The following CCDC191 variants were observed in gnomAD, a reference collection of about 807,000 sequenced individuals.
CCDC191 encodes coiled-coil domain containing 191, also known as coiled-coil domain-containing protein 191.
CCDC191 carries 99 observed loss-of-function variants against 114.0 expected under a neutral mutation model. That is an observed-to-expected ratio of 0.87 (90% CI 0.74 to 1.03). The LOEUF (loss-of-function observed/expected upper bound fraction) is 1.03. Among genes scored for constraint, CCDC191 ranks in the 50% least tolerant of loss-of-function variants. The pLI is 0.00. For missense variants in CCDC191, 973 were observed against 1,087.0 expected (o/e 0.90, Z 1.47); for synonymous variants, 351 against 376.0 (o/e 0.93, Z 0.77).
At chr3:114,000,733 C>A (rs1272302428) in intron 13 of CCDC191, among the ~76,000 whole-genome samples, 1 of 152,060 alleles carries the variant, frequency 6.6e-6, no homozygotes, top group Non-Finnish European at 1.5e-5. Flanking sequence ...TCACTGCTGC[C>A]TCGAACTCCT....
rs2075874646 is a variant in CCDC191, at chr3:114,002,535, A to G, written c.1982T>C (p.Met661Thr). The G allele has an allele frequency of 1.9e-6, 3 of 1,605,934 alleles. No homozygotes were observed. Among genetic ancestry groups the G allele is most frequent in the South Asian group, 1.1e-5 (1 of 89,508 alleles). ...LMTPHPILKA[M>T]EERAIQRAEC... The stretch of plus-strand genomic sequence containing the variant: ...AGCTCGTTGAATTGCTCTCTCTTCC[A>G]TAGCTAGAAAATAGTAACAGAGTTC... The change falls in exon 12 of 17, where the codon ATG (methionine) becomes ACG (threonine). Residue 661 changes from methionine to threonine, a missense_variant. Physicochemically the swap from Met to Thr is moderately conservative, Grantham distance 81. Transcript: ENST00000295878.
intron 16 of CCDC191, among the ~76,000 whole-genome samples, chr3:113,974,324 G>GT (rs113527931): frequency 0.16 from 22,365 of 141,184 alleles, 2,291 homozygotes; most frequent in African/African-American, 0.31. Context: ...GCTGTTTTTT[G>GT]TTTTTTTTTT....
At chr3:113,991,262 C>A (rs890527709) in intron 13 of CCDC191, among the ~76,000 whole-genome samples, 21 of 141,650 alleles carry the variant, frequency 1.5e-4, no homozygotes, top group Admixed American at 7.1e-5. Context: ...AAACAAACCC[C>A]CCCCCCCAAA....
At chr3:113,980,920 C>T (rs1229831079) in intron 13 of CCDC191, 127 bp from the exon 14 acceptor site, 2 of 838,946 alleles carry the variant, frequency 2.4e-6, no homozygotes, top group South Asian at 1.6e-5. Context: ...TAACAGAGCT[C>T]TGGATAATAG....
Position 114,005,794 on chromosome 3 carries a change from A to C in CCDC191, c.1582T>G (p.Ser528Ala), listed in dbSNP as rs759597170. The change falls in exon 10 of 17, where the codon TCT (serine) becomes GCT (alanine). Residue 528 changes from serine to alanine, a missense_variant. Coordinates refer to ENST00000295878, the MANE Select transcript of CCDC191 (RefSeq NM_020817.2). ...KQHKTLGAEP[S>A]QQPGSNETLR... Reference sequence around the variant, plus strand: ...GTCTCGTTGCTGCCAGGCTGTTGAGAGGGTTCAGCACCCAGGGTCTTGTGC... The same window carrying C: ...GTCTCGTTGCTGCCAGGCTGTTGAGCGGGTTCAGCACCCAGGGTCTTGTGC... The C allele has an allele frequency of 1.2e-6, 2 of 1,613,966 alleles. No homozygotes were observed. The highest frequency in any genetic ancestry group is 8.5e-7 in the Non-Finnish European group (1 of 1,179,992).
intron 16 of CCDC191, among the ~76,000 whole-genome samples, chr3:113,972,630 TTTC>T (rs1230198899): frequency 6.6e-6 from 1 of 152,164 alleles, no homozygotes; most frequent in Admixed American, 6.5e-5. Context: ...CCTTGCTGAT[TTTC>T]TTCTGGATAA....
intron 10 of CCDC191, 98 bp from the exon 11 acceptor site, chr3:114,004,844 A>C (rs535908708): frequency 1.6e-6 from 2 of 1,258,274 alleles, no homozygotes; most frequent in South Asian, 2.9e-5. Flanking sequence ...GACCTTAATG[A>C]ATCCCTACTC....
At chr3:114,054,116 T>A (rs2107769762) in intron 1 of CCDC191, 1 of 152,474 alleles carries the variant, frequency 6.6e-6, no homozygotes, top group African/African-American at 2.4e-5. Context: ...AGATCAGGGA[T>A]CTTGTTTGGC....
intron 8 of CCDC191, among the ~76,000 whole-genome samples, chr3:114,014,227 A>G (rs1459334702): frequency 1.3e-5 from 2 of 152,240 alleles, no homozygotes; most frequent in African/African-American, 4.8e-5. Context: ...CATGCATTCA[A>G]TAATGTGCCA....
rs377529007 is a variant in CCDC191, at chr3:114,048,233, A to G, written c.130-1501T>C. ...ACCCCTTTCCATCACCTCCATTGCTACCATGTTGGTCCAAAGCACAACAAT... is the reference window on the plus strand; with the variant it reads ...ACCCCTTTCCATCACCTCCATTGCTGCCATGTTGGTCCAAAGCACAACAAT... On this transcript the variant is annotated intron_variant, in intron 2 of 16. Coordinates refer to ENST00000295878, the MANE Select transcript of CCDC191 (RefSeq NM_020817.2). Among the ~76,000 whole-genome samples the G allele has an allele frequency of 1.1e-4, 17 of 152,258 alleles. No individual in the cohort carries two copies. The South Asian group carries it at 3.3e-3, about 30-fold the overall frequency.
At chr3:114,042,962 C>G in intron 3 of CCDC191, 116 bp from the exon 4 acceptor site, 1 of 944,126 alleles carries the variant, frequency 1.1e-6, no homozygotes, top group East Asian at 3.0e-5. Context: ...AAGTACTGTT[C>G]TAGATACTGG....
At chr3:114,045,508 A>AT (rs2076617517) in intron 3 of CCDC191, among the ~76,000 whole-genome samples, 1 of 152,158 alleles carries the variant, frequency 6.6e-6, no homozygotes, top group African/African-American at 2.4e-5. Flanking sequence ...AGTAGCTGGG[A>AT]TTACAGGCAC....
rs775941056 is a variant in CCDC191, at chr3:113,965,267, C to T, written c.2699G>A (p.Arg900His). The stretch of plus-strand genomic sequence containing the variant: ...TGGAAGAATTTCAACTACCTTCCTA[C>T]GAAGTTGCTGTCGCCTTTCTTCTTT... The part of the protein sequence containing the change: ...RVKEERRQQL[R>H]RKVVEILPDF... Residue 900 changes from arginine (R) to histidine (H), a missense_variant, in exon 17 of 17, where the codon CGT becomes CAT. Coordinates refer to ENST00000295878, the MANE Select transcript of CCDC191 (RefSeq NM_020817.2). 75 of 1,611,696 alleles carry T rather than the reference C, an allele frequency of 4.7e-5. No homozygotes were observed. The highest frequency in any genetic ancestry group is 2.3e-4 in the Admixed American group (14 of 59,726).
At chr3:114,000,643 ATC>A (rs57857818) in intron 13 of CCDC191, among the ~76,000 whole-genome samples, 35,787 of 150,708 alleles carry the variant, frequency 0.24, 4,656 homozygotes, top group Middle Eastern at 0.38. Context: ...GACTTTCTTG[ATC>A]TCTCTCTCTC....
Position 114,001,116 on chromosome 3 carries a change from G to A in CCDC191, c.2163+479C>T, listed in dbSNP as rs144782191. On this transcript the variant is annotated intron_variant, in intron 13 of 16. Transcript: ENST00000295878. ...CTTCTGTGTGTATTATTATTTCTTTGTGTATTATCACTTCTTCTTCCATTT... is the reference window on the plus strand; with the variant it reads ...CTTCTGTGTGTATTATTATTTCTTTATGTATTATCACTTCTTCTTCCATTT... 8.7e-4 allele frequency among the ~76,000 whole-genome samples: 133 copies of A among 152,086 alleles called. 3 individuals carry two copies. The East Asian group carries it at 0.014, about 16-fold the overall frequency.
At position 114,018,816 on chromosome 3, in the gene CCDC191, ATC is replaced by A; in HGVS notation, c.1023_1024del (p.Arg341SerfsTer2). ...CAGGGTCCCAGCTTTCCCCAGCTTA[ATC>A]CTATGATCAAGAATCAGCTTGTGCC... On this transcript the variant is annotated frameshift_variant, in exon 8 of 17. Transcript: ENST00000295878. LOFTEE classifies it high-confidence loss of function. The A allele has an allele frequency of 6.2e-7, 1 of 1,613,860 alleles. No individual in the cohort carries two copies. Among genetic ancestry groups the A allele is most frequent in the Non-Finnish European group, 8.5e-7 (1 of 1,179,836 alleles).
chr3:113,997,750 G>A (rs969389725), intron 13 of CCDC191, among the ~76,000 whole-genome samples: 1 of 152,088 alleles, frequency 6.6e-6, no homozygotes, highest in African/African-American at 2.4e-5. Context: ...TGATGTTTGG[G>A]TCAATGAAAG....
chr3:113,998,984 G>A (rs2075796036), intron 13 of CCDC191, among the ~76,000 whole-genome samples: 1 of 152,152 alleles, frequency 6.6e-6, no homozygotes, highest in Non-Finnish European at 1.5e-5. Context: ...CAGGTGGATT[G>A]ATCGAACAAT....
chr3:113,988,133 A>C (rs2075429895), intron 13 of CCDC191, among the ~76,000 whole-genome samples: 1 of 151,910 alleles, frequency 6.6e-6, no homozygotes, highest in South Asian at 2.1e-4. Flanking sequence ...AAACCAGATA[A>C]GGTAGGGAAA....
Sources: allele counts gnomAD v4.1 joint callset (sites outside exome capture counted in the v4.1 genomes callset), GRCh38; gene constraint gnomAD v4.1.1; transcripts MANE v1.5; gene names NCBI Gene and HGNC (gene_info 2026-07-23, HGNC 2026-07-21).